ATRX: variants seen among roughly 807,000 people sequenced by gnomAD.
ATRX encodes chromatin remodeler ATRX.
Under a neutral mutation model 172.6 loss-of-function variants are expected in ATRX, and 12 were observed. The observed-to-expected ratio is 0.07, with a 90% CI of 0.04 to 0.11. The LOEUF is 0.11. Among genes scored for constraint, ATRX ranks in the 10% least tolerant of loss-of-function variants. ATRX has a pLI of 1.00. For missense variants in ATRX, 1,368 were observed against 1,767.4 expected, an observed-to-expected ratio of 0.77 and a Z score of 4.05; for synonymous variants, 674 against 594.7, an observed-to-expected ratio of 1.13 and a Z score of -1.94.
chrX:77,620,287 G>C lies in ATRX; in HGVS notation c.5272+108C>G, dbSNP rs2067525197. 5.2e-5 allele frequency: 46 copies of C among 878,161 alleles called. No homozygotes were observed. In the South Asian group the frequency reaches 9.4e-4, roughly 18 times the overall value. 72.4% of individuals were successfully genotyped at this position (878,161 alleles called of 1,213,427 possible). Reference sequence around the variant, plus strand: ...CTAAGATGAACCTATGTAGATCATGGTCTAGGACTATACTAGAATAAGTAG... The same window carrying C: ...CTAAGATGAACCTATGTAGATCATGCTCTAGGACTATACTAGAATAAGTAG... On this transcript the variant is annotated intron_variant, in intron 20 of 34. Transcript: ENST00000373344.
intron 1 of ATRX, among the ~76,000 whole-genome samples, chrX:77,739,384 G>T (rs1261818642): frequency 6.7e-5 from 7 of 105,075 alleles, no homozygotes; most frequent in Non-Finnish European, 1.4e-4. Context: ...TACATAATCA[G>T]ATATATATAT....
intron 1 of ATRX, among the ~76,000 whole-genome samples, chrX:77,730,236 A>C (rs1287465836): frequency 2.7e-5 from 3 of 112,245 alleles, no homozygotes; most frequent in Non-Finnish European, 3.8e-5. Context: ...CTATAGGAAA[A>C]GCCAAAGAGG....
intron 30 of ATRX, among the ~76,000 whole-genome samples, chrX:77,528,953 G>A (rs2063484675): frequency 8.9e-6 from 1 of 112,342 alleles, no homozygotes; most frequent in South Asian, 3.6e-4. Flanking sequence ...AGAATAGCCA[G>A]TTTAGAGAGG....
intron 30 of ATRX, among the ~76,000 whole-genome samples, chrX:77,555,626 G>A (rs1291426934): frequency 9.0e-6 from 1 of 110,570 alleles, no homozygotes; most frequent in Non-Finnish European, 1.9e-5. Context: ...AACACTGCAT[G>A]TTCTCACTCA....
At chrX:77,698,859 G>T (rs1557151711) in intron 2 of ATRX, 9 of 422,793 alleles carry the variant, frequency 2.1e-5, no homozygotes, top group African/African-American at 7.4e-5. Context: ...GATTACTTTG[G>T]TATAAAAACA....
rs781940064 is a variant in ATRX, at chrX:77,717,253, C to T, written c.21-10G>A. On this transcript the variant is annotated splice_polypyrimidine_tract_variant and intron_variant, in intron 1 of 34. Transcript: ENST00000373344. ...ATTCAACTTGCTTTCACTATTAAAA[C>T]AAAATTTAAAGAATTCCCTTAATTA... is the stretch of plus-strand genomic sequence containing the variant. The T allele has an allele frequency of 2.6e-6, 3 of 1,166,175 alleles. No individual in the cohort carries two copies. The South Asian group carries it at 5.4e-5, about 21-fold the overall frequency.
At position 77,608,071 on chromosome X, in the gene ATRX, C is replaced by T. The variant is rs941474738; in HGVS notation, c.5567-7507G>A. 3.2e-4 allele frequency among the ~76,000 whole-genome samples: 35 copies of T among 110,624 alleles called. No individual in the cohort carries two copies. In the Admixed American group the frequency reaches 3.4e-3, roughly 11 times the overall value. On this transcript the variant is annotated intron_variant, in intron 22 of 34. Transcript: ENST00000373344. Reference sequence around the variant, plus strand: ...AGAACTACTGTAATCAAAACAGCATCGTACTAGCATAAAAAAGACACATAG... The same window carrying T: ...AGAACTACTGTAATCAAAACAGCATTGTACTAGCATAAAAAAGACACATAG...
intron 1 of ATRX, among the ~76,000 whole-genome samples, chrX:77,763,388 G>A (rs868965713): frequency 1.1e-4 from 11 of 101,488 alleles, no homozygotes; most frequent in East Asian, 3.2e-4. Flanking sequence ...CAGGTGATCC[G>A]CCCACCTTGG....
intron 2 of ATRX, among the ~76,000 whole-genome samples, chrX:77,703,069 C>T (rs1279587607): frequency 1.8e-5 from 2 of 112,496 alleles, no homozygotes; most frequent in Non-Finnish European, 3.8e-5. Context: ...ATTTACACAC[C>T]ATATAATTTA....
At chrX:77,775,358 G>A (rs1192646176) in intron 1 of ATRX, among the ~76,000 whole-genome samples, 3 of 111,182 alleles carry the variant, frequency 2.7e-5, no homozygotes, top group Admixed American at 9.7e-5. Context: ...AAGATAGATC[G>A]GATTCATCTC....
chrX:77,694,191 T>C (rs1248754144), intron 5 of ATRX, among the ~76,000 whole-genome samples: 1 of 111,854 alleles, frequency 8.9e-6, no homozygotes, highest in Non-Finnish European at 1.9e-5. Context: ...ACAAAACAAA[T>C]GTGTGAATCA....
At chrX:77,741,787 T>A (rs2074883687) in intron 1 of ATRX, among the ~76,000 whole-genome samples, 2 of 111,493 alleles carry the variant, frequency 1.8e-5, no homozygotes, top group African/African-American at 6.5e-5. Context: ...TGTAAAAAAA[T>A]TTTTAAATTT....
At position 77,514,202 on chromosome X, in the gene ATRX, A is replaced by G. The variant is rs190113758; in HGVS notation, c.7201-5573T>C. On this transcript the variant is annotated intron_variant, in intron 34 of 34. Coordinates refer to ENST00000373344, the MANE Select transcript of ATRX (RefSeq NM_000489.6). ...ACTGCCCAAAGCAATTTATACATTC[A>G]ATGCTATTCCTATCAAACTACTAAT... is the stretch of plus-strand genomic sequence containing the variant. Among the ~76,000 whole-genome samples the G allele has an allele frequency of 8.5e-3, 954 of 112,472 alleles. 10 individuals are homozygous for G. Among genetic ancestry groups the G allele is most frequent in the African/African-American group, 0.029 (889 of 30,973 alleles).
At chrX:77,552,656 T>C (rs914458307) in intron 30 of ATRX, among the ~76,000 whole-genome samples, 1 of 111,123 alleles carries the variant, frequency 9.0e-6, no homozygotes, top group Non-Finnish European at 1.9e-5. Flanking sequence ...CTAAGGATAC[T>C]GAAGGAAGCA....
chrX:77,711,760 G>A (rs1294928612), intron 2 of ATRX, among the ~76,000 whole-genome samples: 1 of 112,136 alleles, frequency 8.9e-6, no homozygotes, highest in Non-Finnish European at 1.9e-5. Context: ...ACTTGAACCC[G>A]GGAGGTGGAA....
intron 5 of ATRX, 122 bp downstream of exon 5, chrX:77,696,455 C>G: frequency 1.3e-6 from 1 of 751,952 alleles, no homozygotes; most frequent in Non-Finnish European, 2.0e-6. Flanking sequence ...TAGACAACCA[C>G]TAGGAAAATG....
At chrX:77,727,793 C>T (rs373629597) in intron 1 of ATRX, 1 of 111,288 alleles carries the variant, frequency 9.0e-6, no homozygotes, top group Non-Finnish European at 1.9e-5. Context: ...AAAACTTGCA[C>T]GTTCTGCTCA....
chrX:77,565,883 A>G (rs1334342598), intron 28 of ATRX, among the ~76,000 whole-genome samples: 1 of 110,904 alleles, frequency 9.0e-6, no homozygotes, highest in African/African-American at 3.3e-5. Flanking sequence ...ACTGAAAAAT[A>G]TAACAGAAAT....
chrX:77,671,167 A>AAAAATATATATAT (rs1424480831), intron 10 of ATRX, among the ~76,000 whole-genome samples: 4 of 15,733 alleles, frequency 2.5e-4, no homozygotes, highest in East Asian at 1.5e-3. Flanking sequence ...AAAAAAAAAA[A>AAAAATATATATAT]ATATATATAT....
Sources: allele counts gnomAD v4.1 joint callset (sites outside exome capture counted in the v4.1 genomes callset), GRCh38; gene constraint gnomAD v4.1.1; transcripts MANE v1.5; gene names NCBI Gene and HGNC (gene_info 2026-07-23, HGNC 2026-07-21).